SNED1: variants seen among roughly 807,000 people sequenced by gnomAD.
The protein encoded by SNED1 is sushi, nidogen and EGF-like domain-containing protein 1.
A neutral mutation model predicts 166.7 loss-of-function variants in SNED1; 81 were observed. That is an observed-to-expected ratio of 0.49 (90% CI 0.41 to 0.58). The LOEUF (loss-of-function observed/expected upper bound fraction) is 0.58. SNED1 is among the 20% of genes least tolerant of loss of function. The pLI is 0.00. For synonymous variants in SNED1, 762 were observed against 822.0 expected (o/e 0.93, Z 1.25); for missense variants, 1,604 against 2,000.2 (o/e 0.80, Z 3.78).
chr2:241,009,687 G>A (rs749642443), intron 1 of SNED1, among the ~76,000 whole-genome samples: 1 of 152,160 alleles, frequency 6.6e-6, no homozygotes, highest in Non-Finnish European at 1.5e-5. Flanking sequence ...CTGTCCGGGG[G>A]CGCTGAATGC....
intron 1 of SNED1, among the ~76,000 whole-genome samples, chr2:241,007,708 T>C (rs1399139882): frequency 1.3e-5 from 2 of 152,238 alleles, no homozygotes; most frequent in Admixed American, 1.3e-4. Flanking sequence ...GGTCTCTGTG[T>C]TGCCTATTTC....
At position 241,024,652 on chromosome 2, in the gene SNED1, CTTATT is replaced by C. The variant is rs371310534; in HGVS notation, c.214-5605_214-5601del. On this transcript the variant is annotated intron_variant, in intron 1 of 31. Transcript: ENST00000310397. ...ATATTTTAATCATGCCTTATTTTAT[CTTATT>C]TTATTTTATTTTATTTTATTTTATT... Among the ~76,000 whole-genome samples, 334 of 139,638 alleles carry C rather than the reference CTTATT, an allele frequency of 2.4e-3. 3 individuals carry two copies. The highest frequency in any genetic ancestry group is 8.1e-3 in the African/African-American group (296 of 36,352). The allele number at this position is 139,638 out of a possible 152,430, so 91.6% of individuals were successfully genotyped here. A position where few individuals can be genotyped will look rare whatever the true frequency, so the allele number is the denominator to read the frequency against.
rs1423053427 is a variant in SNED1 at position 241,068,259 on chromosome 2, CA to C, written c.3194+313del. Reference sequence around the variant, plus strand: ...AGATCATGAGAGTGACTTGGCCCCTCAGAGAGCAGCGGCCAGCGAGGGTAGA... The same window carrying C: ...AGATCATGAGAGTGACTTGGCCCCTCGAGAGCAGCGGCCAGCGAGGGTAGA... On this transcript the variant is annotated intron_variant, in intron 22 of 31. Transcript: ENST00000310397. This position sits in a 1 kb window ranked among gnomAD's most constrained non-coding sequence, Gnocchi z 5.3. Among the ~76,000 whole-genome samples the C allele has an allele frequency of 1.3e-5, 2 of 151,892 alleles. No homozygotes were observed. Among genetic ancestry groups the C allele is most frequent in the African/African-American group, 4.9e-5 (2 of 41,202 alleles).
chr2:241,001,868 G>A (rs925791841), intron 1 of SNED1, among the ~76,000 whole-genome samples: 1 of 152,142 alleles, frequency 6.6e-6, no homozygotes, highest in Non-Finnish European at 1.5e-5. Flanking sequence ...AGGGTCAAGA[G>A]TGGGTGGTGC....
chr2:241,063,880 G>C, intron 18 of SNED1, 132 bp from the exon 19 acceptor site: 1 of 775,712 alleles, frequency 1.3e-6, no homozygotes, highest in South Asian at 1.7e-5. Flanking sequence ...GCTGAGGGGC[G>C]GGACCTGCCC....
chr2:241,070,250 C>T (rs928459244), intron 24 of SNED1, 49 bp downstream of exon 24: 1 of 1,543,342 alleles, frequency 6.5e-7, no homozygotes. Flanking sequence ...TTTGCCAGCC[C>T]TCCACCCTGT....
intron 1 of SNED1, among the ~76,000 whole-genome samples, chr2:241,029,656 T>C (rs1007789051): frequency 2.6e-5 from 4 of 152,046 alleles, no homozygotes; most frequent in Admixed American, 6.5e-5. Context: ...TGGCATGGAG[T>C]GTGGGGCCAG....
chr2:241,045,608 A>G (rs1418556253), intron 8 of SNED1, among the ~76,000 whole-genome samples: 1 of 152,066 alleles, frequency 6.6e-6, no homozygotes, highest in Non-Finnish European at 1.5e-5. Flanking sequence ...TATAAAAAAA[A>G]AACCTCAACT....
intron 27 of SNED1, among the ~76,000 whole-genome samples, chr2:241,079,093 G>T (rs1285244835): frequency 7.9e-6 from 1 of 126,384 alleles, no homozygotes; most frequent in East Asian, 2.5e-4. Context: ...CAGCCTGGGT[G>T]ACAGGGTAAG....
In SNED1 at chr2:241,071,829, G is replaced by A; in HGVS notation, c.3768G>A (p.Val1256=). 1 of 1,604,382 alleles carries A rather than the reference G, an allele frequency of 6.2e-7. No homozygotes were observed. Among genetic ancestry groups the A allele is most frequent in the Non-Finnish European group, 8.5e-7 (1 of 1,175,894 alleles). ...AGCTTGTGGACGGCAGAGGAAGAGT[G>A]AGCGCCAGGTTCGGTGGCTCACCCA... The part of the protein sequence containing the change: ...FSELVDGRGR[V]SARFGGSPSK... Residue 1256 remains valine (V), a synonymous_variant, in exon 26 of 32, where the codon GTG becomes GTA. Coordinates refer to ENST00000310397, the MANE Select transcript of SNED1 (RefSeq NM_001080437.3).
rs1215195031 is a variant in SNED1 at position 241,065,284 on chromosome 2, A to G, written c.2714-15A>G. On this transcript the variant is annotated splice_polypyrimidine_tract_variant and intron_variant, in intron 20 of 31. Transcript: ENST00000310397. The stretch of plus-strand genomic sequence containing the variant: ...TGACCAGTCCCCTCCCCTTGTTTTG[A>G]CCCAAACCCTGAAGAGCTCTTCCCA... The G allele has an allele frequency of 6.2e-7, 1 of 1,611,830 alleles. No homozygotes were observed. The highest frequency in any genetic ancestry group is 8.5e-7 in the Non-Finnish European group (1 of 1,179,642).
chr2:241,001,668 A>G (rs2060081584), intron 1 of SNED1, among the ~76,000 whole-genome samples: 1 of 152,170 alleles, frequency 6.6e-6, no homozygotes, highest in Non-Finnish European at 1.5e-5. Context: ...GGGCTTATGC[A>G]GGTGGAGTGG....
chr2:241,034,806 G>A, intron 4 of SNED1, 76 bp downstream of exon 4: 3 of 1,428,544 alleles, frequency 2.1e-6, no homozygotes, highest in Non-Finnish European at 2.8e-6. Context: ...AGGTGGAGAC[G>A]AAGGGGGCTG....
At chr2:241,025,289 A>G (rs913353500) in intron 1 of SNED1, among the ~76,000 whole-genome samples, 1 of 152,166 alleles carries the variant, frequency 6.6e-6, no homozygotes, top group African/African-American at 2.4e-5. Context: ...TCTGCAAACC[A>G]TCCCCACACC....
chr2:241,049,723 G>C, intron 11 of SNED1, 94 bp from the exon 12 acceptor site: 1 of 882,546 alleles, frequency 1.1e-6, no homozygotes, highest in Non-Finnish European at 1.8e-6. Flanking sequence ...CAGGATGTCA[G>C]GGTAACCCTG....
intron 1 of SNED1, among the ~76,000 whole-genome samples, chr2:241,019,886 A>G (rs971985001): frequency 1.3e-5 from 2 of 151,986 alleles, no homozygotes; most frequent in Admixed American, 6.6e-5. Flanking sequence ...GGTAGTGACT[A>G]TTTTCAGCTT....
chr2:241,049,884 C>T lies in SNED1; in HGVS notation c.1686C>T (p.Ser562=), dbSNP rs1186726334. ...NGGSCDAHDD[S]YTCECPRGFH... is the part of the protein sequence containing the mutation. ...GCTCCTGCGATGCCCATGACGACTC[C>T]TACACCTGCGAGTGCCCGCGCGGGT... The change falls in exon 12 of 32, where the codon TCC becomes TCT. Residue 562 remains serine (S), a synonymous_variant. Coordinates refer to ENST00000310397, the MANE Select transcript of SNED1 (RefSeq NM_001080437.3). 1 of 1,613,868 alleles carries T rather than the reference C, an allele frequency of 6.2e-7. No individual in the cohort carries two copies. The highest frequency in any genetic ancestry group is 1.7e-5 in the Admixed American group (1 of 60,024).
At chr2:241,084,336 TAG>T (rs1382219484) in intron 29 of SNED1, among the ~76,000 whole-genome samples, 2 of 152,018 alleles carry the variant, frequency 1.3e-5, no homozygotes, top group African/African-American at 4.8e-5. Context: ...AAAGTTTACG[TAG>T]AGACAGGGTT....
chr2:241,008,332 A>C (rs933254836), intron 1 of SNED1, among the ~76,000 whole-genome samples: 2 of 151,600 alleles, frequency 1.3e-5, no homozygotes, highest in African/African-American at 2.4e-5. Flanking sequence ...TAACTAACCT[A>C]CTCTGCAGGC....
Sources: gnomAD v4.1 joint callset for allele counts (sites outside exome capture counted in the v4.1 genomes callset) on GRCh38, gnomAD v4.1.1 for gene constraint, Gnocchi (gnomAD v3.1) non-coding constraint, MANE v1.5 for transcripts, NCBI Gene and HGNC (gene_info 2026-07-23, HGNC 2026-07-21) for gene names.